The following KIF12 variants were observed in gnomAD, a reference collection of about 807,000 sequenced individuals.
The protein encoded by KIF12 is kinesin-like protein KIF12.
Under a neutral mutation model 87.9 loss-of-function variants are expected in KIF12, and 80 were observed. The ratio of observed to expected loss-of-function variants is 0.91; its 90% CI spans 0.76 to 1.10. KIF12 has a LOEUF of 1.10. KIF12 is among the 50% of genes least tolerant of loss of function. The pLI is 0.00. For synonymous variants in KIF12, 353 were observed against 348.5 expected (o/e 1.01, Z -0.14); for missense variants, 819 against 865.3 (o/e 0.95, Z 0.67).
intron 7 of KIF12, 62 bp downstream of exon 7, chr9:114,097,239 C>G: frequency 1.9e-6 from 3 of 1,572,530 alleles, no homozygotes; most frequent in East Asian, 4.6e-5. Flanking sequence ...CAAGTCCACA[C>G]TCAGTGAACA....
rs1474607310 is a variant in KIF12, at chr9:114,096,424, C to G, written c.701G>C (p.Ser234Thr). Residue 234 changes from serine to threonine, a missense_variant, in exon 8 of 19, where the codon AGC becomes ACC. Coordinates refer to ENST00000640217, the MANE Select transcript of KIF12 (RefSeq NM_001388308.1). ...GATGTAAAGGGTGAGCAGGGCATGG[C>G]TTCGGCTGGAGGCCTGGTTCAGGGT... ...AHTLNQASSR[S>T]HALLTLYISR... The G allele has an allele frequency of 1.2e-6, 2 of 1,613,188 alleles. No individual in the cohort carries two copies. Among genetic ancestry groups the G allele is most frequent in the Admixed American group, 3.3e-5 (2 of 59,924 alleles).
At chr9:114,094,067 A>G in intron 13 of KIF12, 95 bp from the exon 14 acceptor site, 2 of 1,446,122 alleles carry the variant, frequency 1.4e-6, no homozygotes, top group Non-Finnish European at 1.9e-6. Context: ...CCAGTTCAGG[A>G]AGCAGGTGGG....
chr9:114,096,484 AG>A lies in KIF12; in HGVS notation c.647-7del. On this transcript the variant is annotated splice_region_variant and splice_polypyrimidine_tract_variant and intron_variant, in intron 7 of 18. Transcript: ENST00000640217. ...GTTCCTTCGACGGCTGAGACCTGGA[AG>A]GGAAAAACATCAGGAGCTGGACCTG... 1 of 1,604,306 alleles carries A rather than the reference AG, an allele frequency of 6.2e-7. No homozygotes were observed. Among genetic ancestry groups the A allele is most frequent in the Non-Finnish European group, 8.5e-7 (1 of 1,174,826 alleles).
chr9:114,095,741 G>A (rs1303915759), intron 9 of KIF12, among the ~76,000 whole-genome samples: 1 of 152,184 alleles, frequency 6.6e-6, no homozygotes, highest in Non-Finnish European at 1.5e-5. Context: ...CTAGGCCTCA[G>A]TCTTCCCAAC....
chr9:114,092,138 C>A (rs1847023265), intron 18 of KIF12, 138 bp from the exon 19 acceptor site: 2 of 1,444,888 alleles, frequency 1.4e-6, no homozygotes, highest in East Asian at 5.0e-5. Context: ...CCCCATACAC[C>A]ATGGGCTCCA....
intron 3 of KIF12, 103 bp from the exon 4 acceptor site, chr9:114,098,532 G>A (rs1466173727): frequency 1.1e-6 from 1 of 890,358 alleles, no homozygotes; most frequent in Non-Finnish European, 1.6e-6. Context: ...GGAGGAGGGC[G>A]GGGCACTCTG....
rs1179243536 is a variant in KIF12, at chr9:114,092,392, ACCT to A, written c.1754_1756del (p.Glu585del). 1 of 1,611,776 alleles carries A rather than the reference ACCT, an allele frequency of 6.2e-7. No homozygotes were observed. Among genetic ancestry groups the A allele is most frequent in the African/African-American group, 1.3e-5 (1 of 74,588 alleles). On this transcript the variant is annotated inframe_deletion, in exon 18 of 19. Transcript: ENST00000640217. ...AGGCAGGGGAGGTGCAGAAGGTACC[ACCT>A]CCTCCTCCGTCAACATCTCTGCCAG...
rs10583178 is a variant in KIF12 at position 114,099,190 on chromosome 9, TATC to T, written c.27-24_27-22del. 11,981 of 1,550,930 alleles carry T rather than the reference TATC, an allele frequency of 7.7e-3. 718 individuals are homozygous for T. The African/African-American group carries it at 0.14, about 18-fold the overall frequency. ...GATCCCTGTGGGCAGCAATGCGACT[TATC>T]ATACCTGCACCTAGCGGCTGTTCAG... On this transcript the variant is annotated intron_variant, in intron 1 of 18. Coordinates refer to ENST00000640217, the MANE Select transcript of KIF12 (RefSeq NM_001388308.1).
At chr9:114,092,870 G>A in intron 16 of KIF12, 9 of 1,431,956 alleles carry the variant, frequency 6.3e-6, no homozygotes, top group Non-Finnish European at 8.2e-6. Context: ...ACCACGTCTG[G>A]TCTATTTCTG....
chr9:114,094,055 C>T lies in KIF12; in HGVS notation c.1314-83G>A, dbSNP rs1036624236. 6.9e-6 allele frequency: 10 copies of T among 1,456,472 alleles called. No individual in the cohort carries two copies. The East Asian group carries it at 2.0e-4, about 30-fold the overall frequency. The allele number at this position is 1,456,472 out of a possible 1,614,324, so 90.2% of individuals were successfully genotyped here. On this transcript the variant is annotated intron_variant, in intron 13 of 18. Coordinates refer to ENST00000640217, the MANE Select transcript of KIF12 (RefSeq NM_001388308.1). ...TCAGCTCCTCCTCATTGCAGCATAG[C>T]ACCAGTTCAGGAAGCAGGTGGGGAC...
rs1383220596 is a variant in KIF12, at chr9:114,098,574, G to T, written c.172-145C>A. On this transcript the variant is annotated intron_variant, in intron 3 of 18. Transcript: ENST00000640217. ...GGCGGGGCACCCTGGAGAAGGGTAG[G>T]GCGCTCGGTGAGGCACTCGGTGGGC... 2.4e-4 allele frequency: 151 copies of T among 623,312 alleles called. No individual in the cohort carries two copies. In the African/African-American group the frequency reaches 2.8e-3, roughly 11 times the overall value. The allele number at this position is 623,312 out of a possible 1,614,324, so 38.6% of individuals were successfully genotyped here.
At position 114,096,101 on chromosome 9, in the gene KIF12, C is replaced by T. The variant is rs772075259; in HGVS notation, c.845G>A (p.Gly282Glu). 2.5e-6 allele frequency: 4 copies of T among 1,613,856 alleles called. 1 individual carries two copies. Among genetic ancestry groups the T allele is most frequent in the Middle Eastern group, 3.3e-4 (2 of 6,062 alleles). Residue 282 changes from glycine to glutamate, a missense_variant, in exon 9 of 19, where the codon GGG (glycine) becomes GAG (glutamate). Gly to Glu is a moderately conservative substitution (Grantham distance 98). Coordinates refer to ENST00000640217, the MANE Select transcript of KIF12 (RefSeq NM_001388308.1). ...SEKVAATGSRGELMLEANSIN... is the reference protein window; with the variant it reads ...SEKVAATGSREELMLEANSIN... ...GCTGTTAGCCTCAAGCATCAGCTCC[C>T]CACGGGATCCCGTGGCTGCTACCTT... is the stretch of plus-strand genomic sequence containing the variant.
chr9:114,096,831 A>C (rs1847251370), intron 7 of KIF12, among the ~76,000 whole-genome samples: 1 of 152,118 alleles, frequency 6.6e-6, no homozygotes, highest in Non-Finnish European at 1.5e-5. Flanking sequence ...AGTGCCTGCC[A>C]AAGGAGGGGT....
In KIF12 at chr9:114,095,311, A is replaced by G; in HGVS notation, c.917T>C (p.Leu306Pro). ...GTGGCTCTGCTTCCGCTGTGGGTCC[A>G]GCAGCAGGGAGATGCAGTGACCTGG... ...LALGHCISLL[L>P]DPQRKQSHIP... Residue 306 changes from leucine (L) to proline (P), a missense_variant, in exon 10 of 19, where the codon CTG (leucine) becomes CCG (proline). Leu to Pro is a moderately conservative substitution (Grantham distance 98). Coordinates refer to ENST00000640217, the MANE Select transcript of KIF12 (RefSeq NM_001388308.1). 6.2e-7 allele frequency: 1 copy of G among 1,613,578 alleles called. No individual in the cohort carries two copies. The highest frequency in any genetic ancestry group is 8.5e-7 in the Non-Finnish European group (1 of 1,180,004).
At chr9:114,098,778 T>TGGGCATCCTGGAAGGGAG (rs547294720) in intron 3 of KIF12, among the ~76,000 whole-genome samples, 157 bp downstream of exon 3, 1,104 of 19,554 alleles carry the variant, frequency 0.056, 17 homozygotes, top group African/African-American at 0.18. Flanking sequence ...GGCGGAGGGC[T>TGGGCATCCTGGAAGGGAG]GGGCATCCTG....
chr9:114,093,583 T>C, intron 14 of KIF12, 86 bp from the exon 15 acceptor site: 1 of 1,098,474 alleles, frequency 9.1e-7, no homozygotes, highest in South Asian at 1.3e-5. Flanking sequence ...CTAATACTCC[T>C]GGATCCCGTA....
At position 114,094,176 on chromosome 9, in the gene KIF12, C is replaced by G. The variant is rs942189455; in HGVS notation, c.1313+5G>C. The G allele has an allele frequency of 5.0e-6, 8 of 1,612,674 alleles. No homozygotes were observed. Among genetic ancestry groups the G allele is most frequent in the Non-Finnish European group, 5.1e-6 (6 of 1,179,182 alleles). On this transcript the variant is annotated splice_donor_5th_base_variant and intron_variant, in intron 13 of 18. Coordinates refer to ENST00000640217, the MANE Select transcript of KIF12 (RefSeq NM_001388308.1). ...GCATCCCTCTGGCTGTGGGCTGTGC[C>G]CTACCTGAGCCTCTCATTCTCTAGC...
chr9:114,095,019 T>C lies in KIF12; in HGVS notation c.1119+4A>G. On this transcript the variant is annotated splice_donor_region_variant and intron_variant, in intron 11 of 18. Transcript: ENST00000640217. ...TCCCTCAGCTTGTGCCTGCCTATAC[T>C]CACCTTGGGGGCCTGTGGTCGGGTG... 1 of 1,577,822 alleles carries C rather than the reference T, an allele frequency of 6.3e-7. No homozygotes were observed. Among genetic ancestry groups the C allele is most frequent in the Non-Finnish European group, 8.6e-7 (1 of 1,161,978 alleles).
Position 114,092,255 on chromosome 9 carries a change from AC to A in KIF12, c.1816+77del, listed in dbSNP as rs1470424929. The A allele has an allele frequency of 2.0e-6, 3 of 1,486,018 alleles. No homozygotes were observed. The African/African-American group carries it at 4.2e-5, about 21-fold the overall frequency. The allele number at this position is 1,486,018 out of a possible 1,614,324, so 92.1% of individuals were successfully genotyped here. On this transcript the variant is annotated intron_variant, in intron 18 of 18. Coordinates refer to ENST00000640217, the MANE Select transcript of KIF12 (RefSeq NM_001388308.1). ...ACACCCACCCCATTTCAGAGATAAGACTGAGGCCTGGAGAGGGTGGGTTCTA... is the reference window on the plus strand; with the variant it reads ...ACACCCACCCCATTTCAGAGATAAGATGAGGCCTGGAGAGGGTGGGTTCTA...
Sources: gnomAD v4.1 joint callset for allele counts (sites outside exome capture counted in the v4.1 genomes callset) on GRCh38, gnomAD v4.1.1 for gene constraint, MANE v1.5 for transcripts, NCBI Gene and HGNC (gene_info 2026-07-23, HGNC 2026-07-21) for gene names.